NRG3: variants seen among roughly 807,000 people sequenced by gnomAD.
The protein encoded by NRG3 is pro-neuregulin-3, membrane-bound isoform.
A neutral mutation model predicts 66.9 loss-of-function variants in NRG3; 31 were observed. The observed-to-expected ratio is 0.46, with a 90% CI of 0.35 to 0.63. The LOEUF (loss-of-function observed/expected upper bound fraction) is 0.63, where lower values mean the gene tolerates loss of function less well. Ranked by LOEUF, NRG3 falls within the 20% of genes least tolerant of loss-of-function variation. The pLI, the probability that NRG3 is intolerant of heterozygous loss-of-function variation, is 0.00. For missense variants in NRG3, 910 were observed against 878.9 expected, an observed-to-expected ratio of 1.04 and a Z score of -0.45; for synonymous variants, 393 against 359.4, an observed-to-expected ratio of 1.09 and a Z score of -1.06.
intron 1 of NRG3, among the ~76,000 whole-genome samples, chr10:81,950,834 C>G (rs1214385701): frequency 2.0e-5 from 3 of 152,096 alleles, no homozygotes; most frequent in Non-Finnish European, 2.9e-5. Flanking sequence ...CAGTATTCAT[C>G]TTTTGCTAAC....
At position 82,959,093 on chromosome 10, in the gene NRG3, A is replaced by G; in HGVS notation, c.1284+18A>G. 6.3e-7 allele frequency: 1 copy of G among 1,578,566 alleles called. No homozygotes were observed. Among genetic ancestry groups the G allele is most frequent in the South Asian group, 1.2e-5 (1 of 83,632 alleles). The stretch of plus-strand genomic sequence containing the variant: ...TGCAAAATGTAAGTGACATGTCTAC[A>G]CACCTCCTCCTATAGCCTACCTCAG... On this transcript the variant is annotated intron_variant, in intron 6 of 8. Transcript: ENST00000372141.
At chr10:82,874,934 C>T (rs1841673256) in intron 4 of NRG3, among the ~76,000 whole-genome samples, 1 of 152,178 alleles carries the variant, frequency 6.6e-6, no homozygotes, top group South Asian at 2.1e-4. Context: ...TGAATCCCTT[C>T]ATGTCATAAG....
chr10:82,857,829 AG>A (rs946376787), intron 3 of NRG3, among the ~76,000 whole-genome samples: 1 of 152,244 alleles, frequency 6.6e-6, no homozygotes, highest in Admixed American at 6.5e-5. Context: ...AATTTCATAA[AG>A]GGAGCATGAA....
At chr10:82,968,444 C>G (rs938458126) in intron 6 of NRG3, among the ~76,000 whole-genome samples, 2 of 152,108 alleles carry the variant, frequency 1.3e-5, no homozygotes, top group South Asian at 4.1e-4. Flanking sequence ...TGTTTAATAT[C>G]GCAATAATTC....
rs184443054 is a variant in NRG3, at chr10:82,619,445, A to G, written c.954-119132A>G. ...CTAGCCAAGGGATTGGTATTTCTGCATGCTAAAGTGTAGCCTCATGCAAAC... is the reference window on the plus strand; with the variant it reads ...CTAGCCAAGGGATTGGTATTTCTGCGTGCTAAAGTGTAGCCTCATGCAAAC... On this transcript the variant is annotated intron_variant, in intron 2 of 8. Transcript: ENST00000372141. Among the ~76,000 whole-genome samples, 131 of 152,330 alleles carry G rather than the reference A, an allele frequency of 8.6e-4. 3 individuals carry two copies. Among genetic ancestry groups the G allele is most frequent in the African/African-American group, 2.9e-3 (121 of 41,586 alleles).
In NRG3 at chr10:82,954,369, C is replaced by T. The variant is rs17101137; in HGVS notation, c.1157+2798C>T. ...GCTGTCAATGTCTCACTCTGGACAG[C>T]AAGAGGGCTCTGAGATCAACATCTC... On this transcript the variant is annotated intron_variant, in intron 5 of 8. Transcript: ENST00000372141. 4.8e-3 allele frequency among the ~76,000 whole-genome samples: 734 copies of T among 151,904 alleles called. 20 individuals are homozygous for T. The highest frequency in any genetic ancestry group is 0.036 in the East Asian group (188 of 5,168).
chr10:82,690,276 CTTTT>C (rs10609013), intron 2 of NRG3, among the ~76,000 whole-genome samples: 1 of 146,628 alleles, frequency 6.8e-6, no homozygotes. Context: ...GAATTGGCCA[CTTTT>C]TTTTTTTTTT....
Position 82,100,896 on chromosome 10 carries a change from T to A in NRG3, c.823+224733T>A, listed in dbSNP as rs143040263. Among the ~76,000 whole-genome samples the A allele has an allele frequency of 5.1e-4, 78 of 152,136 alleles. 1 individual carries two copies. The highest frequency in any genetic ancestry group is 1.8e-3 in the African/African-American group (75 of 41,568). ...TTTGGCCTCATAAAATTGAGAAGTG[T>A]CTTAGAAGAGAATATGTGGAATTGT... On this transcript the variant is annotated intron_variant, in intron 1 of 8. Coordinates refer to ENST00000372141, the MANE Select transcript of NRG3 (RefSeq NM_001010848.4).
chr10:82,253,492 C>T (rs568609287), intron 1 of NRG3, among the ~76,000 whole-genome samples: 21 of 152,258 alleles, frequency 1.4e-4, no homozygotes, highest in African/African-American at 5.1e-4. Flanking sequence ...ATTTTTCTTT[C>T]GAGCTCACTC....
rs537431572 is a variant in NRG3 at position 82,896,573 on chromosome 10, A to G, written c.1054+31136A>G. ...GAGAAGAATGATGTTTTGATTTTCT[A>G]CATGAAAATAAATGTGAACATTGAT... is the stretch of plus-strand genomic sequence containing the variant. On this transcript the variant is annotated intron_variant, in intron 4 of 8. Transcript: ENST00000372141. Among the ~76,000 whole-genome samples the G allele has an allele frequency of 3.3e-5, 5 of 152,362 alleles. No homozygotes were observed. In the South Asian group the frequency reaches 1.0e-3, roughly 32 times the overall value.
At chr10:82,009,228 A>G (rs967459976) in intron 1 of NRG3, among the ~76,000 whole-genome samples, 1 of 152,220 alleles carries the variant, frequency 6.6e-6, no homozygotes, top group African/African-American at 2.4e-5. Context: ...GAGGTGTACA[A>G]TGACATGCAT....
chr10:82,216,093 AAGTAG>A (rs61444039), intron 1 of NRG3, among the ~76,000 whole-genome samples: 76,948 of 149,006 alleles, frequency 0.52, 22,458 homozygotes, highest in African/African-American at 0.8. Context: ...TCAGCCTCCC[AAGTAG>A]AGTAGCTAGG....
At chr10:82,704,000 G>A (rs1327318940) in intron 2 of NRG3, among the ~76,000 whole-genome samples, 1 of 151,790 alleles carries the variant, frequency 6.6e-6, no homozygotes, top group Non-Finnish European at 1.5e-5. Flanking sequence ...AAGACTTTGT[G>A]CTTACAAACC....
intron 6 of NRG3, among the ~76,000 whole-genome samples, chr10:82,969,666 C>T (rs1851550790): frequency 6.6e-6 from 1 of 152,202 alleles, no homozygotes. Context: ...TTAATTGGAG[C>T]TTTTGAACTT....
intron 1 of NRG3, among the ~76,000 whole-genome samples, chr10:82,112,412 C>A (rs1224881189): frequency 1.3e-5 from 2 of 151,928 alleles, no homozygotes; most frequent in Admixed American, 1.3e-4. Flanking sequence ...AGGGAACAGG[C>A]CTCATAGGAA....
chr10:81,975,610 T>C (rs2060096252), intron 1 of NRG3, among the ~76,000 whole-genome samples: 1 of 151,738 alleles, frequency 6.6e-6, no homozygotes, highest in Non-Finnish European at 1.5e-5. Context: ...GCAACTAGAG[T>C]CTAATCACAC....
At chr10:82,731,684 T>C (rs2057914800) in intron 2 of NRG3, among the ~76,000 whole-genome samples, 1 of 152,222 alleles carries the variant, frequency 6.6e-6, no homozygotes, top group African/African-American at 2.4e-5. Context: ...TTGATGAATG[T>C]TTAGGTTGAT....
At chr10:82,174,251 A>T (rs2133141486) in intron 1 of NRG3, among the ~76,000 whole-genome samples, 1 of 152,270 alleles carries the variant, frequency 6.6e-6, no homozygotes, top group East Asian at 1.9e-4. Context: ...TTCAACCTTG[A>T]GTAATTTCAA....
At chr10:82,413,226 G>A (rs1289742706) in intron 2 of NRG3, among the ~76,000 whole-genome samples, 5 of 152,150 alleles carry the variant, frequency 3.3e-5, no homozygotes, top group African/African-American at 4.8e-5. Context: ...AAATTTGAAA[G>A]TTGAAATTAC....
Sources: allele counts gnomAD v4.1 joint callset (sites outside exome capture counted in the v4.1 genomes callset), GRCh38; gene constraint gnomAD v4.1.1; transcripts MANE v1.5; gene names NCBI Gene and HGNC (gene_info 2026-07-23, HGNC 2026-07-21).